FLCN: variants seen among roughly 807,000 people sequenced by gnomAD.
FLCN encodes BHD skin lesion fibrofolliculoma protein.
In FLCN, 22 loss-of-function variants were observed where a neutral mutation model predicts 62.5. The ratio of observed to expected loss-of-function variants is 0.35; its 90% confidence interval spans 0.25 to 0.50. The LOEUF is 0.50. Ranked by LOEUF, FLCN falls within the 20% of genes least tolerant of loss-of-function variation. FLCN has a pLI of 0.97. For missense variants in FLCN, 657 were observed against 778.0 expected, an observed-to-expected ratio of 0.84 and a Z score of 1.85; for synonymous variants, 319 against 310.0, an observed-to-expected ratio of 1.03 and a Z score of -0.30.
intron 1 of FLCN, among the ~76,000 whole-genome samples, chr17:17,233,598 CAAAAAAA>C (rs71152852): frequency 8.0e-5 from 6 of 75,288 alleles, no homozygotes; most frequent in African/African-American, 3.3e-4. Context: ...GACTCCATCT[CAAAAAAA>C]AAAAAAAAAA....
At chr17:17,226,037 G>A in intron 5 of FLCN, 139 bp downstream of exon 5, 2 of 1,203,600 alleles carry the variant, frequency 1.7e-6, no homozygotes, top group Non-Finnish European at 2.4e-6. Context: ...CCTGTACCCT[G>A]TGCTGTGCTG....
rs746381939 is a variant in FLCN at position 17,228,165 on chromosome 17, C to T, written c.-24-4G>A. 6.2e-6 allele frequency: 10 copies of T among 1,608,844 alleles called. No individual in the cohort carries two copies. Among genetic ancestry groups the T allele is most frequent in the Admixed American group, 3.3e-5 (2 of 59,924 alleles). On this transcript the variant is annotated splice_polypyrimidine_tract_variant and splice_region_variant and intron_variant, in intron 3 of 13. Coordinates refer to ENST00000285071, the MANE Select transcript of FLCN (RefSeq NM_144997.7). ...TGCCTTGGAGACTGCAACAGGCCTGCGTGGGACAGGGGACATGTCAGCTTG... is the reference window on the plus strand; with the variant it reads ...TGCCTTGGAGACTGCAACAGGCCTGTGTGGGACAGGGGACATGTCAGCTTG...
rs1440165382 is a variant in FLCN at position 17,215,079 on chromosome 17, T to C, written c.1444A>G (p.Ile482Val). 2 of 1,613,906 alleles carry C rather than the reference T, an allele frequency of 1.2e-6. No individual in the cohort carries two copies. Among genetic ancestry groups the C allele is most frequent in the Admixed American group, 3.3e-5 (2 of 59,992 alleles). The change falls in exon 13 of 14, where the codon ATC becomes GTC. Residue 482 changes from isoleucine to valine, a missense_variant. Ile to Val is a conservative substitution (Grantham distance 29, BLOSUM62 3). Coordinates refer to ENST00000285071, the MANE Select transcript of FLCN (RefSeq NM_144997.7). ...PVAADRVGPTILNKIEAALTN... is the reference protein window; with the variant it reads ...PVAADRVGPTVLNKIEAALTN... ...AGAGCCGCTTCAATCTTATTCAGGATGGTGGGGCCCACTGGGGAGAAGGGC... is the reference window on the plus strand; with the variant it reads ...AGAGCCGCTTCAATCTTATTCAGGACGGTGGGGCCCACTGGGGAGAAGGGC...
At chr17:17,223,662 G>A (rs1255244886) in intron 6 of FLCN, among the ~76,000 whole-genome samples, 1 of 152,220 alleles carries the variant, frequency 6.6e-6, no homozygotes, top group African/African-American at 2.4e-5. Context: ...AAGACACCAG[G>A]GGTCTGACTG....
chr17:17,218,134 TAAG>T (rs886793123), intron 9 of FLCN, among the ~76,000 whole-genome samples: 1 of 152,194 alleles, frequency 6.6e-6, no homozygotes, highest in African/African-American at 2.4e-5. Flanking sequence ...AAGAATTTTA[TAAG>T]AAGGCAGCCT....
intron 1 of FLCN, among the ~76,000 whole-genome samples, 170 bp downstream of exon 1, chr17:17,236,742 C>T (rs1273385332): frequency 2.6e-5 from 4 of 152,162 alleles, no homozygotes. Flanking sequence ...AGATCACAGT[C>T]CTCATCCCCA....
chr17:17,222,197 T>C (rs1042035749), intron 7 of FLCN, among the ~76,000 whole-genome samples: 2 of 151,730 alleles, frequency 1.3e-5, no homozygotes, highest in Non-Finnish European at 2.9e-5. Flanking sequence ...ATTAGCTGGG[T>C]GTGGTGACAG....
rs749162687 is a variant in FLCN, at chr17:17,216,529, C to A, written c.1177-26G>T. 6.2e-7 allele frequency: 1 copy of A among 1,613,242 alleles called. No individual in the cohort carries two copies. The highest frequency in any genetic ancestry group is 8.5e-7 in the Non-Finnish European group (1 of 1,179,822). On this transcript the variant is annotated intron_variant, in intron 10 of 13. Transcript: ENST00000285071. This position sits in a 1 kb window ranked among gnomAD's most constrained non-coding sequence, Gnocchi z 4.0. ...CTGAGGAGGACAGCAGGACTCAGAC[C>A]AAGGACACGAGGAAGCCCTCAGCCC...
At chr17:17,228,391 A>G in intron 3 of FLCN, 1 of 531,510 alleles carries the variant, frequency 1.9e-6, no homozygotes, top group Non-Finnish European at 3.4e-6. Context: ...GACAATGTGG[A>G]CCAATGATAG....
intron 9 of FLCN, 177 bp from the exon 10 acceptor site, chr17:17,217,359 A>G (rs2046958018): frequency 1.5e-6 from 1 of 646,012 alleles, no homozygotes; most frequent in African/African-American, 1.8e-5. Context: ...GGGCAGAGAG[A>G]GAAGTTCCAG....
At chr17:17,234,649 G>C (rs1410622705) in intron 1 of FLCN, among the ~76,000 whole-genome samples, 1 of 146,986 alleles carries the variant, frequency 6.8e-6, no homozygotes, top group Non-Finnish European at 1.5e-5. Context: ...TTTGTGACCA[G>C]CCAGGCTAAC....
chr17:17,234,623 C>A (rs1189852042), intron 1 of FLCN, among the ~76,000 whole-genome samples: 7 of 151,066 alleles, frequency 4.6e-5, no homozygotes, highest in Non-Finnish European at 2.9e-5. Flanking sequence ...GAGGGCAGAT[C>A]ACCTAAGGTC....
chr17:17,219,343 T>C (rs914429476), intron 8 of FLCN, 134 bp from the exon 9 acceptor site: 2 of 654,190 alleles, frequency 3.1e-6, no homozygotes, highest in Admixed American at 2.0e-5. Flanking sequence ...CCCTGCTCCC[T>C]GTTGCTCTGG....
chr17:17,231,694 G>C lies in FLCN; in HGVS notation c.-25+100C>G, dbSNP rs1736212. 0.73 allele frequency: 111,236 copies of C among 152,324 alleles called. 41,076 individuals are homozygous for C. The highest frequency in any genetic ancestry group is 0.84 in the East Asian group (4,372 of 5,178). 9.4% of individuals were successfully genotyped at this position (152,324 alleles called of 1,614,324 possible). A position where few individuals can be genotyped will look rare whatever the true frequency, so the allele number is the denominator to read the frequency against. On this transcript the variant is annotated intron_variant, in intron 3 of 13. Transcript: ENST00000285071. ...CCGCTAACTCTAGGAAGAAGCAAAGGACGATGTGCATGGTGGTGGGGGGTG... is the reference window on the plus strand; with the variant it reads ...CCGCTAACTCTAGGAAGAAGCAAAGCACGATGTGCATGGTGGTGGGGGGTG...
At position 17,212,786 on chromosome 17, in the gene FLCN, C is replaced by CA. The variant is rs1353176601; in HGVS notation, c.*868dup. On this transcript the variant is annotated 3_prime_UTR_variant, in exon 14 of 14. Coordinates refer to ENST00000285071, the MANE Select transcript of FLCN (RefSeq NM_144997.7). ...GGGCAACAAGAGTGAAACTCCCTCT[C>CA]AAAAAAAAAAGTACAGTGGGATGAT... 4.0e-3 allele frequency: 774 copies of CA among 194,814 alleles called. 1 individual carries two copies. The highest frequency in any genetic ancestry group is 0.014 in the Middle Eastern group (8 of 586). The allele number at this position is 194,814 out of a possible 1,614,324, so 12.1% of individuals were successfully genotyped here. A position where few individuals can be genotyped will look rare whatever the true frequency, so the allele number is the denominator to read the frequency against.
At position 17,215,178 on chromosome 17, in the gene FLCN, C is replaced by A. The variant is rs1200932753; in HGVS notation, c.1432+7G>T. On this transcript the variant is annotated splice_region_variant and intron_variant, in intron 12 of 13. Coordinates refer to ENST00000285071, the MANE Select transcript of FLCN (RefSeq NM_144997.7). ...ACAAAAAGGACACTCTGCCTGGGGG[C>A]ACCCACCTCGGTCTGCAGCTACAGG... The A allele has an allele frequency of 6.2e-6, 10 of 1,613,970 alleles. No homozygotes were observed. Among genetic ancestry groups the A allele is most frequent in the Admixed American group, 5.0e-5 (3 of 60,004 alleles).
chr17:17,221,258 T>C, intron 8 of FLCN: 1 of 1,542,932 alleles, frequency 6.5e-7, no homozygotes, highest in Non-Finnish European at 8.7e-7. Flanking sequence ...GAGAAGCCTT[T>C]AATCAGCCAG....
chr17:17,215,346 A>G lies in FLCN; in HGVS notation c.1301-30T>C, dbSNP rs190281448. On this transcript the variant is annotated intron_variant, in intron 11 of 13. Coordinates refer to ENST00000285071, the MANE Select transcript of FLCN (RefSeq NM_144997.7). ...AACAACACAAGGCCCGTGGCTCCTC[A>G]TCTCCCCCATGCTCCTCACCTCCCC... The G allele has an allele frequency of 9.3e-6, 15 of 1,612,286 alleles. No individual in the cohort carries two copies. In the East Asian group the frequency reaches 1.6e-4, roughly 17 times the overall value.
intron 3 of FLCN, 141 bp downstream of exon 3, chr17:17,231,653 G>A (rs1180064283): frequency 6.6e-6 from 1 of 152,280 alleles, no homozygotes; most frequent in African/African-American, 2.4e-5. Flanking sequence ...CACAAACAAG[G>A]CATGGCCTGC....
Sources: gnomAD v4.1 joint callset for allele counts (sites outside exome capture counted in the v4.1 genomes callset) on GRCh38, gnomAD v4.1.1 for gene constraint, Gnocchi (gnomAD v3.1) non-coding constraint, MANE v1.5 for transcripts, NCBI Gene and HGNC (gene_info 2026-07-23, HGNC 2026-07-21) for gene names.